CACNA1C: variants seen among roughly 807,000 people sequenced by gnomAD.
CACNA1C encodes voltage-dependent L-type calcium channel subunit alpha-1C.
CACNA1C carries 30 observed loss-of-function variants against 229.0 expected under a neutral mutation model. That is an observed-to-expected ratio of 0.13 (90% CI 0.10 to 0.18). The LOEUF is 0.18. Ranked by LOEUF, CACNA1C falls within the 10% of genes least tolerant of loss-of-function variation. The pLI, the probability that CACNA1C is intolerant of heterozygous loss-of-function variation, is 1.00. For synonymous variants in CACNA1C, 1,114 were observed against 1,132.5 expected, an observed-to-expected ratio of 0.98 and a Z score of 0.33; for missense variants, 1,658 against 2,845.0, an observed-to-expected ratio of 0.58 and a Z score of 9.49.
At chr12:2,460,675 G>A (rs545901222) in intron 5 of CACNA1C, among the ~76,000 whole-genome samples, 1 of 152,326 alleles carries the variant, frequency 6.6e-6, no homozygotes, top group East Asian at 1.9e-4. Context: ...TCAAATGCAA[G>A]GCCCTCATGT....
intron 9 of CACNA1C, among the ~76,000 whole-genome samples, chr12:2,546,063 G>T (rs1422287158): frequency 6.6e-6 from 1 of 152,146 alleles, no homozygotes; most frequent in Non-Finnish European, 1.5e-5. Context: ...GCAGTAGCTG[G>T]TATCTTCACA....
At position 2,068,448 on chromosome 12, in the gene CACNA1C, A is replaced by C. The variant is rs189233434; in HGVS notation, c.49+14837A>C. Among the ~76,000 whole-genome samples, 693 of 152,282 alleles carry C rather than the reference A, an allele frequency of 4.6e-3. 4 individuals are homozygous for C. The highest frequency in any genetic ancestry group is 0.016 in the African/African-American group (648 of 41,556). ...TGAGTTGAGGAGGCTGGGCTTCTGC[A>C]CCTCACTCAAATTCTCTGCAGCGGC... On this transcript the variant is annotated intron_variant, in intron 1 of 46. Transcript: ENST00000399655.
intron 9 of CACNA1C, among the ~76,000 whole-genome samples, chr12:2,534,646 A>G (rs1311902993): frequency 5.3e-5 from 8 of 152,032 alleles, no homozygotes; most frequent in African/African-American, 1.7e-4. Context: ...AACTTCTACT[A>G]ATGAGCAAGT....
intron 44 of CACNA1C, 32 bp downstream of exon 44, chr12:2,685,874 C>T (rs756211753): frequency 2.1e-5 from 31 of 1,505,942 alleles, no homozygotes; most frequent in Non-Finnish European, 2.7e-5. Flanking sequence ...TGGATGTGGT[C>T]GGCGGTTACT....
chr12:2,268,525 G>A (rs915958429), intron 3 of CACNA1C, among the ~76,000 whole-genome samples: 2 of 152,212 alleles, frequency 1.3e-5, no homozygotes, highest in Non-Finnish European at 2.9e-5. Flanking sequence ...TGTGGGGAGT[G>A]TTGGCTGGAG....
intron 4 of CACNA1C, among the ~76,000 whole-genome samples, chr12:2,450,404 C>A (rs867947209): frequency 5.9e-4 from 90 of 151,564 alleles, no homozygotes; most frequent in African/African-American, 1.0e-3. Flanking sequence ...AATACAAAAA[C>A]TTAGCCGGGC....
intron 3 of CACNA1C, among the ~76,000 whole-genome samples, chr12:2,137,896 G>A (rs1039066515): frequency 5.3e-5 from 8 of 151,338 alleles, no homozygotes; most frequent in African/African-American, 1.9e-4. Flanking sequence ...CAGGCCAGTG[G>A]ACCCTGTCTT....
At chr12:2,614,505 G>A (rs947838684) in intron 29 of CACNA1C, 4 of 152,152 alleles carry the variant, frequency 2.6e-5, no homozygotes, top group African/African-American at 9.7e-5. Context: ...AAAATTTTCA[G>A]GCAGAAAACC....
At position 2,261,180 on chromosome 12, in the gene CACNA1C, C is replaced by T. The variant is rs531229286; in HGVS notation, c.477+140750C>T. Among the ~76,000 whole-genome samples, 4 of 151,190 alleles carry T rather than the reference C, an allele frequency of 2.6e-5. No homozygotes were observed. The South Asian group carries it at 8.3e-4, about 32-fold the overall frequency. On this transcript the variant is annotated intron_variant, in intron 3 of 46. Transcript: ENST00000399655. ...CTGGGAGGTGGAGCTTGCAGTGAGC[C>T]GAGATAGTGCCACTGCACTCCAGCC...
At chr12:2,202,279 C>T (rs2097600350) in intron 3 of CACNA1C, among the ~76,000 whole-genome samples, 1 of 152,190 alleles carries the variant, frequency 6.6e-6, no homozygotes, top group South Asian at 2.1e-4. Context: ...GACCTCACCG[C>T]TTGTTCAGCT....
At chr12:2,059,103 A>C (rs1250983731) in intron 1 of CACNA1C, among the ~76,000 whole-genome samples, 1 of 152,136 alleles carries the variant, frequency 6.6e-6, no homozygotes, top group Non-Finnish European at 1.5e-5. Context: ...TCCCTGGAGA[A>C]CCTTGCTTCA....
intron 13 of CACNA1C, among the ~76,000 whole-genome samples, chr12:2,572,482 TTCCTCC>T (rs1379414557): frequency 2.3e-5 from 1 of 43,694 alleles, no homozygotes; most frequent in Non-Finnish European, 3.9e-5. Flanking sequence ...CCTTCTCCTC[TTCCTCC>T]TCCTCCTCCT....
intron 3 of CACNA1C, among the ~76,000 whole-genome samples, chr12:2,384,027 C>T (rs1340326218): frequency 6.6e-6 from 1 of 152,260 alleles, no homozygotes; most frequent in Non-Finnish European, 1.5e-5. Flanking sequence ...GCCACCCCTA[C>T]ATGGAGAACC....
chr12:2,564,870 G>T (rs2049473926), intron 11 of CACNA1C, among the ~76,000 whole-genome samples: 1 of 152,124 alleles, frequency 6.6e-6, no homozygotes, highest in Non-Finnish European at 1.5e-5. Flanking sequence ...CAGAGGGGCT[G>T]TTTTTGTGGG....
At chr12:2,414,184 T>C (rs936689370) in intron 3 of CACNA1C, among the ~76,000 whole-genome samples, 13 of 152,248 alleles carry the variant, frequency 8.5e-5, no homozygotes, top group African/African-American at 3.1e-4. Flanking sequence ...GTCACCCGTG[T>C]TCCAAGTGTC....
chr12:2,550,616 G>A (rs961055436), intron 10 of CACNA1C: 7 of 1,351,228 alleles, frequency 5.2e-6, no homozygotes, highest in East Asian at 4.5e-5. Context: ...ACTCACCCTG[G>A]CCTCTGGAAG....
In CACNA1C at chr12:2,034,115, T is replaced by G. The variant is rs2048690348; in HGVS notation, c.139+62914T>G. On this transcript the variant is annotated intron_variant, in intron 1 of 46. Transcript: ENST00000682462. This position sits in a 1 kb window ranked among gnomAD's most constrained non-coding sequence, Gnocchi z 4.1. ...GGCCGTTGGAACATACTAACTCATT[T>G]TAATCCTCACAGCAACCCCATGAGG... 1.3e-5 allele frequency among the ~76,000 whole-genome samples: 2 copies of G among 152,242 alleles called. No individual in the cohort carries two copies. Among genetic ancestry groups the G allele is most frequent in the African/African-American group, 2.4e-5 (1 of 41,470 alleles).
At chr12:2,461,475 C>T (rs2099501474) in intron 5 of CACNA1C, among the ~76,000 whole-genome samples, 1 of 152,180 alleles carries the variant, frequency 6.6e-6, no homozygotes, top group Non-Finnish European at 1.5e-5. Flanking sequence ...TTATCACGTC[C>T]AGCCTCCTGG....
chr12:2,411,631 G>T (rs1302908162), intron 3 of CACNA1C, among the ~76,000 whole-genome samples: 1 of 152,200 alleles, frequency 6.6e-6, no homozygotes, highest in African/African-American at 2.4e-5. Context: ...CCATGAGGTA[G>T]CCTGGCCACC....
Sources: allele counts gnomAD v4.1 joint callset (sites outside exome capture counted in the v4.1 genomes callset), GRCh38; gene constraint gnomAD v4.1.1; non-coding constraint Gnocchi (gnomAD v3.1); transcripts MANE v1.5; gene names NCBI Gene and HGNC (gene_info 2026-07-23, HGNC 2026-07-21).